Variants in UHRF2 observed in about 807,000 individuals in gnomAD.
UHRF2 encodes ubiquitin like with PHD and ring finger domains 2, also known as E3 ubiquitin-protein ligase UHRF2.
Under a neutral mutation model 96.8 loss-of-function variants are expected in UHRF2, and 23 were observed. The ratio of observed to expected loss-of-function variants is 0.24; its 90% CI spans 0.17 to 0.34. The LOEUF (loss-of-function observed/expected upper bound fraction) is 0.34, where lower values mean the gene tolerates loss of function less well. UHRF2 is among the 10% of genes least tolerant of loss of function. The pLI is 1.00. For synonymous variants in UHRF2, 385 were observed against 332.6 expected (o/e 1.16, Z -1.72); for missense variants, 685 against 981.5 (o/e 0.70, Z 4.04).
intron 9 of UHRF2, among the ~76,000 whole-genome samples, chr9:6,490,801 A>T (rs1824612412): frequency 6.6e-6 from 1 of 152,198 alleles, no homozygotes; most frequent in South Asian, 2.1e-4. Flanking sequence ...TTTAGGACTA[A>T]GATGACATAT....
chr9:6,485,803 CAAAAAAAAAAAAA>C (rs57868028), intron 8 of UHRF2, among the ~76,000 whole-genome samples: 11 of 59,192 alleles, frequency 1.9e-4, no homozygotes, highest in East Asian at 7.1e-4. Flanking sequence ...TGTCTCTACC[CAAAAAAAAAAAAA>C]AAAAAAAAAA....
At chr9:6,504,266 CCGCCT>C in intron 14 of UHRF2, 5 of 163,346 alleles carry the variant, frequency 3.1e-5, no homozygotes, top group South Asian at 1.4e-4. Flanking sequence ...ACCTTGTGAT[CCGCCT>C]GCCTCGGCCT....
At chr9:6,448,023 A>G (rs1246390196) in intron 3 of UHRF2, among the ~76,000 whole-genome samples, 1 of 152,214 alleles carries the variant, frequency 6.6e-6, no homozygotes, top group East Asian at 1.9e-4. Flanking sequence ...TCTCCAGGAA[A>G]TAGGATTCAA....
intron 9 of UHRF2, among the ~76,000 whole-genome samples, chr9:6,488,667 A>T (rs1251560036): frequency 1.4e-5 from 2 of 143,742 alleles, no homozygotes; most frequent in Non-Finnish European, 3.0e-5. Flanking sequence ...GCGGCCGGTT[A>T]ATTTTTGTGT....
At chr9:6,493,664 C>G (rs1363899825) in intron 9 of UHRF2, among the ~76,000 whole-genome samples, 162 bp from the exon 10 acceptor site, 1 of 152,082 alleles carries the variant, frequency 6.6e-6, no homozygotes, top group Non-Finnish European at 1.5e-5. Flanking sequence ...TGAAAGTATA[C>G]TACACACAAG....
At chr9:6,489,915 A>C (rs770082449) in intron 9 of UHRF2, among the ~76,000 whole-genome samples, 1 of 152,156 alleles carries the variant, frequency 6.6e-6, no homozygotes. Flanking sequence ...GTGCATTTAC[A>C]TTAACATGGC....
At chr9:6,478,640 A>G (rs1226510984) in intron 6 of UHRF2, among the ~76,000 whole-genome samples, 1 of 152,202 alleles carries the variant, frequency 6.6e-6, no homozygotes, top group Non-Finnish European at 1.5e-5. Context: ...TTTTTAAACT[A>G]TGTGCCATAT....
intron 4 of UHRF2, among the ~76,000 whole-genome samples, chr9:6,470,183 G>A (rs546998544): frequency 7.2e-5 from 11 of 152,240 alleles, no homozygotes; most frequent in Admixed American, 4.6e-4. Flanking sequence ...GACCAGCCTG[G>A]CCAACATGGC....
chr9:6,469,643 A>G (rs1414630269), intron 4 of UHRF2, among the ~76,000 whole-genome samples: 2 of 137,672 alleles, frequency 1.5e-5, no homozygotes, highest in Non-Finnish European at 3.1e-5. Flanking sequence ...TTAGACACAT[A>G]GGACTTGATG....
At position 6,443,131 on chromosome 9, in the gene UHRF2, T is replaced by C. The variant is rs1399873750; in HGVS notation, c.644+8958T>C. Among the ~76,000 whole-genome samples the C allele has an allele frequency of 2.6e-5, 4 of 152,222 alleles. No individual in the cohort carries two copies. In the South Asian group the frequency reaches 6.2e-4, roughly 24 times the overall value. On this transcript the variant is annotated intron_variant, in intron 3 of 15. Transcript: ENST00000276893. Reference sequence around the variant, plus strand: ...AAATTCTTATGAAAGTTAATATGTCTGTATCTGATCTTAAGAATGAAGCTA... The same window carrying C: ...AAATTCTTATGAAAGTTAATATGTCCGTATCTGATCTTAAGAATGAAGCTA...
chr9:6,500,939 CT>C (rs1816260187), intron 14 of UHRF2, among the ~76,000 whole-genome samples: 1 of 152,120 alleles, frequency 6.6e-6, no homozygotes, highest in Non-Finnish European at 1.5e-5. Context: ...CCCAAAGTTA[CT>C]TTACTTTGAG....
chr9:6,420,845 G>A, intron 1 of UHRF2, 67 bp from the exon 2 acceptor site: 2 of 1,325,790 alleles, frequency 1.5e-6, no homozygotes, highest in Non-Finnish European at 1.1e-6. Context: ...TAGGACATTT[G>A]AGCAACTAAA....
intron 4 of UHRF2, among the ~76,000 whole-genome samples, chr9:6,467,502 GT>G (rs1177083267): frequency 1.3e-5 from 2 of 148,522 alleles, no homozygotes; most frequent in African/African-American, 2.5e-5. Context: ...TTAATGTTTT[GT>G]TTGTTTTGTT....
chr9:6,491,856 G>C (rs1197793008), intron 9 of UHRF2, among the ~76,000 whole-genome samples: 1 of 152,138 alleles, frequency 6.6e-6, no homozygotes, highest in African/African-American at 2.4e-5. Context: ...ACTAGAAGAT[G>C]CAACAAATTT....
chr9:6,498,342 G>T (rs866263613), intron 12 of UHRF2, 184 bp downstream of exon 12: 12 of 557,022 alleles, frequency 2.2e-5, no homozygotes, highest in African/African-American at 2.1e-4. Context: ...ATGTCAGACT[G>T]CCCTGGGACC....
intron 3 of UHRF2, among the ~76,000 whole-genome samples, chr9:6,457,094 T>G (rs953126859): frequency 6.6e-6 from 1 of 152,226 alleles, no homozygotes; most frequent in Admixed American, 6.5e-5. Context: ...TAAATTACTT[T>G]GGGCAGTATG....
At chr9:6,483,291 C>T (rs1215828863) in intron 8 of UHRF2, among the ~76,000 whole-genome samples, 1 of 145,582 alleles carries the variant, frequency 6.9e-6, no homozygotes, top group Non-Finnish European at 1.5e-5. Flanking sequence ...TGCCACTGCA[C>T]TCCAGCCTGG....
rs1335293633 is a variant in UHRF2 at position 6,434,217 on chromosome 9, G to C, written c.644+44G>C. On this transcript the variant is annotated intron_variant, in intron 3 of 15. Transcript: ENST00000276893. ...GAGGACTTTATTCATATTTTCATTT[G>C]TAGAAACCAAAGCCTTCTATTTCAA... The C allele has an allele frequency of 3.9e-6, 6 of 1,554,878 alleles. No individual in the cohort carries two copies. In the Admixed American group the frequency reaches 9.5e-5, roughly 25 times the overall value.
At position 6,452,466 on chromosome 9, in the gene UHRF2, A is replaced by G. The variant is rs201565204; in HGVS notation, c.645-8107A>G. On this transcript the variant is annotated intron_variant, in intron 3 of 15. Coordinates refer to ENST00000276893, the MANE Select transcript of UHRF2 (RefSeq NM_152896.3). ...TCAACAAATTGTAATCAAACTTCAT[A>G]AAATATTTTAAGTAGGTCTGTGTCT... is the stretch of plus-strand genomic sequence containing the variant. Among the ~76,000 whole-genome samples, 409 of 152,324 alleles carry G rather than the reference A, an allele frequency of 2.7e-3. 2 individuals are homozygous for G. The highest frequency in any genetic ancestry group is 3.3e-3 in the Non-Finnish European group (225 of 68,028).
Sources: gnomAD v4.1 joint callset for allele counts (sites outside exome capture counted in the v4.1 genomes callset) on GRCh38, gnomAD v4.1.1 for gene constraint, MANE v1.5 for transcripts, NCBI Gene and HGNC (gene_info 2026-07-23, HGNC 2026-07-21) for gene names.